The following CAMTA1 variants were observed in gnomAD, a reference collection of about 807,000 sequenced individuals.
CAMTA1 encodes the protein calmodulin binding transcription activator 1.
Under a neutral mutation model 170.9 loss-of-function variants are expected in CAMTA1, and 27 were observed. The ratio of observed to expected loss-of-function variants is 0.16; its 90% confidence interval spans 0.12 to 0.22. The LOEUF (loss-of-function observed/expected upper bound fraction) is 0.22, where lower values mean the gene tolerates loss of function less well. Ranked by LOEUF, CAMTA1 falls within the 10% of genes least tolerant of loss-of-function variation. CAMTA1 has a pLI of 1.00. For synonymous variants in CAMTA1, 833 were observed against 891.5 expected, an observed-to-expected ratio of 0.93 and a Z score of 1.17; for missense variants, 1,619 against 2,217.2, an observed-to-expected ratio of 0.73 and a Z score of 5.42.
chr1:7,060,066 T>C (rs1024815156), intron 3 of CAMTA1, among the ~76,000 whole-genome samples: 1 of 152,160 alleles, frequency 6.6e-6, no homozygotes, highest in South Asian at 2.1e-4. Flanking sequence ...GTGCATAACC[T>C]ACAGGCCTGT....
At chr1:6,816,022 A>T (rs1051531688) in intron 1 of CAMTA1, among the ~76,000 whole-genome samples, 1 of 152,016 alleles carries the variant, frequency 6.6e-6, no homozygotes, top group African/African-American at 2.4e-5. Context: ...TCACTTGGGG[A>T]CCTTTAAAAA....
intron 6 of CAMTA1, among the ~76,000 whole-genome samples, chr1:7,477,981 G>A (rs1396877481): frequency 1.3e-5 from 2 of 152,196 alleles, no homozygotes; most frequent in Non-Finnish European, 2.9e-5. Flanking sequence ...AAGTGACTCT[G>A]GCCAACTGAA....
intron 5 of CAMTA1, among the ~76,000 whole-genome samples, chr1:7,381,509 A>G (rs1487940019): frequency 5.9e-5 from 9 of 151,814 alleles, no homozygotes; most frequent in African/African-American, 2.2e-4. Context: ...GCTGCATAGT[A>G]TTCCATGGGG....
intron 3 of CAMTA1, among the ~76,000 whole-genome samples, chr1:6,850,345 A>G (rs1659919729): frequency 6.6e-6 from 1 of 152,222 alleles, no homozygotes; most frequent in Non-Finnish European, 1.5e-5. Context: ...AATATCCTTC[A>G]TATCTAAATG....
intron 6 of CAMTA1, among the ~76,000 whole-genome samples, chr1:7,578,741 T>C (rs1394956273): frequency 6.6e-6 from 1 of 152,130 alleles, no homozygotes; most frequent in Non-Finnish European, 1.5e-5. Context: ...GAGGGCTTCT[T>C]GCTTCATCAT....
intron 7 of CAMTA1, among the ~76,000 whole-genome samples, chr1:7,647,278 AG>A (rs34963142): frequency 0.038 from 5,506 of 146,096 alleles, 306 homozygotes; most frequent in African/African-American, 0.12. Context: ...AAGATCCAGA[AG>A]GGGGGGGGGC....
At chr1:7,586,603 A>G (rs2095312063) in intron 6 of CAMTA1, among the ~76,000 whole-genome samples, 1 of 151,770 alleles carries the variant, frequency 6.6e-6, no homozygotes, top group Admixed American at 6.6e-5. Context: ...CTGCCCCAGC[A>G]CTCCTCTGCC....
At chr1:7,221,024 A>G (rs1046206205) in intron 4 of CAMTA1, among the ~76,000 whole-genome samples, 1 of 152,130 alleles carries the variant, frequency 6.6e-6, no homozygotes, top group African/African-American at 2.4e-5. Context: ...CCTAGAGCCC[A>G]CCAGGTGGGA....
chr1:6,839,776 A>T (rs1422400213), intron 3 of CAMTA1, among the ~76,000 whole-genome samples: 2 of 152,198 alleles, frequency 1.3e-5, no homozygotes, highest in African/African-American at 4.8e-5. Flanking sequence ...AAAGGCCCTG[A>T]GGCAGGAATG....
At chr1:6,955,400 G>T (rs935897041) in intron 3 of CAMTA1, among the ~76,000 whole-genome samples, 4 of 152,212 alleles carry the variant, frequency 2.6e-5, no homozygotes, top group African/African-American at 9.6e-5. Flanking sequence ...CAAGCTGAGG[G>T]GCCCCTGCTT....
chr1:7,660,486 C>T (rs537740626), intron 7 of CAMTA1, among the ~76,000 whole-genome samples: 20 of 152,300 alleles, frequency 1.3e-4, no homozygotes, highest in African/African-American at 4.6e-4. Context: ...TACAGTGAGT[C>T]GTGTTTATAC....
intron 3 of CAMTA1, among the ~76,000 whole-genome samples, chr1:6,932,767 C>CATTT (rs748276171): frequency 5.9e-5 from 9 of 152,178 alleles, no homozygotes; most frequent in Non-Finnish European, 8.8e-5. Flanking sequence ...TCTTTACCTG[C>CATTT]ATTTAGCCAT....
At chr1:7,647,975 T>C (rs1374309899) in intron 7 of CAMTA1, among the ~76,000 whole-genome samples, 1 of 152,088 alleles carries the variant, frequency 6.6e-6, no homozygotes, top group Middle Eastern at 3.2e-3. Flanking sequence ...CCCCAGCTAC[T>C]TGGGAGGCTG....
At chr1:7,653,806 T>G (rs1289851441) in intron 7 of CAMTA1, among the ~76,000 whole-genome samples, 2 of 152,182 alleles carry the variant, frequency 1.3e-5, no homozygotes, top group Non-Finnish European at 2.9e-5. Flanking sequence ...GGCATTGTTC[T>G]GAGGATGGGA....
At chr1:7,266,021 C>T (rs1668868553) in intron 5 of CAMTA1, among the ~76,000 whole-genome samples, 1 of 152,248 alleles carries the variant, frequency 6.6e-6, no homozygotes, top group Non-Finnish European at 1.5e-5. Flanking sequence ...CAGTACTTGG[C>T]TGTTGCTTCT....
Position 7,144,724 on chromosome 1 carries a change from A to G in CAMTA1, c.302+53353A>G, listed in dbSNP as rs116294405. ...CTTCCTTCTACCAGTCCTGTCTGGTAATCTCTATAAGCATCCCAAACTAGT... is the reference window on the plus strand; with the variant it reads ...CTTCCTTCTACCAGTCCTGTCTGGTGATCTCTATAAGCATCCCAAACTAGT... On this transcript the variant is annotated intron_variant, in intron 4 of 22. Coordinates refer to ENST00000303635, the MANE Select transcript of CAMTA1 (RefSeq NM_015215.4). This position sits in a 1 kb window ranked among gnomAD's most constrained non-coding sequence, Gnocchi z 4.0. Among the ~76,000 whole-genome samples the G allele has an allele frequency of 7.2e-3, 1,102 of 152,352 alleles. 9 individuals are homozygous for G. Among genetic ancestry groups the G allele is most frequent in the African/African-American group, 0.025 (1,031 of 41,580 alleles).
intron 4 of CAMTA1, among the ~76,000 whole-genome samples, chr1:7,150,723 A>C (rs1646522752): frequency 6.6e-6 from 1 of 151,884 alleles, no homozygotes; most frequent in African/African-American, 2.4e-5. Context: ...GGATGTGCAG[A>C]AGGACGCGCA....
intron 4 of CAMTA1, among the ~76,000 whole-genome samples, chr1:7,139,754 C>T (rs888738417): frequency 3.3e-5 from 5 of 152,062 alleles, no homozygotes; most frequent in African/African-American, 9.7e-5. Context: ...GGTGGATGGA[C>T]GGATAAATGG....
At chr1:7,535,732 T>C (rs530679282) in intron 6 of CAMTA1, among the ~76,000 whole-genome samples, 1 of 152,204 alleles carries the variant, frequency 6.6e-6, no homozygotes, top group South Asian at 2.1e-4. Context: ...TATTGTCACC[T>C]CTCTGTGGCC....
Sources: allele counts gnomAD v4.1 joint callset (sites outside exome capture counted in the v4.1 genomes callset), GRCh38; gene constraint gnomAD v4.1.1; non-coding constraint Gnocchi (gnomAD v3.1); transcripts MANE v1.5; gene names NCBI Gene and HGNC (gene_info 2026-07-23, HGNC 2026-07-21).